Variants in SOX6 observed in about 807,000 individuals in gnomAD.
The protein encoded by SOX6 is transcription factor SOX-6.
A neutral mutation model predicts 97.8 loss-of-function variants in SOX6; 11 were observed. That is an observed-to-expected ratio of 0.11 (90% CI 0.07 to 0.19). SOX6 has a LOEUF of 0.19. Ranked by LOEUF, SOX6 falls within the 10% of genes least tolerant of loss-of-function variation. The pLI, the probability that SOX6 is intolerant of heterozygous loss-of-function variation, is 1.00. For synonymous variants in SOX6, 360 were observed against 371.4 expected (o/e 0.97, Z 0.35); for missense variants, 810 against 1,039.5 (o/e 0.78, Z 3.04).
In SOX6 at chr11:16,443,710, T is replaced by C. The variant is rs142517165; in HGVS notation, c.-5+32605A>G. Among the ~76,000 whole-genome samples, 33 of 152,236 alleles carry C rather than the reference T, an allele frequency of 2.2e-4. 1 individual carries two copies. In the East Asian group the frequency reaches 4.8e-3, roughly 22 times the overall value. On this transcript the variant is annotated intron_variant, in intron 1 of 15. Coordinates refer to the SOX6 transcript ENST00000396356. ...CATAGTGCCCAATATGTAGTGTCTA[T>C]ATTTTTAAAAACATTTGCCCTGGAC...
intron 1 of SOX6, chr11:16,402,739 A>T (rs1858593907): frequency 6.2e-7 from 1 of 1,609,912 alleles, no homozygotes; most frequent in Non-Finnish European, 8.5e-7. Flanking sequence ...CACCTGACTT[A>T]GGGGCTGGCT....
At chr11:16,091,773 A>C (rs1848694789) in intron 9 of SOX6, among the ~76,000 whole-genome samples, 1 of 151,994 alleles carries the variant, frequency 6.6e-6, no homozygotes, top group Non-Finnish European at 1.5e-5. Context: ...TAAACTACAC[A>C]TAAGACCCAT....
intron 6 of SOX6, among the ~76,000 whole-genome samples, chr11:16,170,456 AAAG>A (rs1207634304): frequency 2.0e-5 from 3 of 151,968 alleles, no homozygotes; most frequent in Non-Finnish European, 2.9e-5. Flanking sequence ...AGTCGGCATA[AAAG>A]AAGAAGCTTA....
chr11:16,714,934 T>C (rs190420704), intron 2 of SOX6: 1 of 152,300 alleles, frequency 6.6e-6, no homozygotes, highest in African/African-American at 2.4e-5. Context: ...AAAATAAATT[T>C]CAGTACTTTG....
At chr11:16,513,804 T>C (rs1427663047) in intron 4 of SOX6, among the ~76,000 whole-genome samples, 1 of 152,140 alleles carries the variant, frequency 6.6e-6, no homozygotes, top group African/African-American at 2.4e-5. Context: ...AATGCCGACA[T>C]ATATAAAGGA....
At chr11:16,216,820 G>A in intron 4 of SOX6, among the ~76,000 whole-genome samples, 1 of 152,102 alleles carries the variant, frequency 6.6e-6, no homozygotes, top group East Asian at 1.9e-4. Flanking sequence ...AAACTGAATA[G>A]TACACAGAAA....
chr11:16,184,036 A>T, intron 5 of SOX6, 82 bp from the exon 6 acceptor site: 1 of 1,244,458 alleles, frequency 8.0e-7, no homozygotes, highest in Non-Finnish European at 1.2e-6. Flanking sequence ...CTGGTATTAC[A>T]ACAATCTTTT....
intron 4 of SOX6, among the ~76,000 whole-genome samples, chr11:16,526,181 A>C (rs1861160943): frequency 6.6e-6 from 1 of 152,212 alleles, no homozygotes; most frequent in African/African-American, 2.4e-5. Flanking sequence ...AGACACATGC[A>C]CACATATGTT....
intron 2 of SOX6, among the ~76,000 whole-genome samples, chr11:16,331,775 T>G (rs1235957900): frequency 6.6e-6 from 1 of 152,094 alleles, no homozygotes; most frequent in Admixed American, 6.6e-5. Flanking sequence ...TGTCACCAAT[T>G]TAACACAAGG....
At chr11:16,051,565 G>A (rs1394353092) in intron 10 of SOX6, among the ~76,000 whole-genome samples, 2 of 152,060 alleles carry the variant, frequency 1.3e-5, no homozygotes. Flanking sequence ...CATTATGAAT[G>A]TCAAAATTAT....
At chr11:16,710,981 C>A (rs542420320) in intron 3 of SOX6, among the ~76,000 whole-genome samples, 4 of 152,254 alleles carry the variant, frequency 2.6e-5, no homozygotes, top group African/African-American at 9.6e-5. Context: ...AACCTAAGAG[C>A]CATCTTTTTA....
intron 3 of SOX6, among the ~76,000 whole-genome samples, chr11:16,685,054 G>C (rs989473413): frequency 6.6e-6 from 1 of 152,020 alleles, no homozygotes; most frequent in Non-Finnish European, 1.5e-5. Context: ...AGCCATGAGG[G>C]ATCTGCCCCC....
intron 12 of SOX6, among the ~76,000 whole-genome samples, chr11:16,020,926 C>T (rs16932469): frequency 0.039 from 5,942 of 152,138 alleles, 522 homozygotes; most frequent in East Asian, 0.37. Flanking sequence ...CATAACTAAT[C>T]TAGCCACATA....
intron 3 of SOX6, among the ~76,000 whole-genome samples, chr11:16,287,298 T>TCTCACACACA (rs1554953497): frequency 8.9e-5 from 11 of 123,522 alleles, no homozygotes; most frequent in African/African-American, 3.2e-4. Flanking sequence ...TCTCTCTCTC[T>TCTCACACACA]CACACACACA....
intron 3 of SOX6, among the ~76,000 whole-genome samples, chr11:16,624,028 C>T (rs866209544): frequency 2.6e-5 from 4 of 152,162 alleles, no homozygotes; most frequent in Non-Finnish European, 4.4e-5. Flanking sequence ...ATTGCTATCA[C>T]AGTAGATTAG....
chr11:16,585,366 T>C (rs1205150726), intron 4 of SOX6, among the ~76,000 whole-genome samples: 1 of 152,206 alleles, frequency 6.6e-6, no homozygotes. Flanking sequence ...TTATATGTAC[T>C]CATTTAACCC....
In SOX6 at chr11:15,967,333, C is replaced by G. The variant is rs1853166678; in HGVS notation, c.*5476G>C. ...ACAGAGTTGCAGTTGTCCCAACAGC[C>G]CTACACAAACTTTACACTTTGAAAC... On this transcript the variant is annotated 3_prime_UTR_variant, in exon 16 of 16. Transcript: ENST00000683767. 1 of 152,136 alleles carries G rather than the reference C, an allele frequency of 6.6e-6. No homozygotes were observed. Among genetic ancestry groups the G allele is most frequent in the Admixed American group, 6.5e-5 (1 of 15,270 alleles). The allele number at this position is 152,136 out of a possible 1,614,324, so 9.4% of individuals were successfully genotyped here.
At chr11:16,023,617 A>G (rs546127859) in intron 12 of SOX6, among the ~76,000 whole-genome samples, 1 of 152,284 alleles carries the variant, frequency 6.6e-6, no homozygotes, top group East Asian at 1.9e-4. Flanking sequence ...GCTCTCCAAG[A>G]AGAATTTTCC....
chr11:16,028,859 C>T (rs1855279931), intron 12 of SOX6, among the ~76,000 whole-genome samples: 1 of 152,182 alleles, frequency 6.6e-6, no homozygotes, highest in Admixed American at 6.5e-5. Flanking sequence ...TCCTTCACAA[C>T]TGTCCTTAAC....
Sources: gnomAD v4.1 joint callset for allele counts (sites outside exome capture counted in the v4.1 genomes callset) on GRCh38, gnomAD v4.1.1 for gene constraint, MANE v1.5 for transcripts, NCBI Gene and HGNC (gene_info 2026-07-23, HGNC 2026-07-21) for gene names.